Variants in CSMD1 observed in about 807,000 individuals in gnomAD.
CSMD1 encodes the protein CUB and sushi domain-containing protein 1.
Under a neutral mutation model 417.5 loss-of-function variants are expected in CSMD1, and 213 were observed. That is an observed-to-expected ratio of 0.51 (90% CI 0.46 to 0.57). The LOEUF (loss-of-function observed/expected upper bound fraction) is 0.57. Among genes scored for constraint, CSMD1 ranks in the 20% least tolerant of loss-of-function variants. The probability of loss-of-function intolerance (pLI) is 0.00; values close to 1 mark genes in which losing one functional copy is unlikely to be tolerated. For missense variants in CSMD1, 6,923 were observed against 4,529.7 expected (o/e 1.53, Z -15.17); for synonymous variants, 2,862 against 1,736.8 (o/e 1.65, Z -16.11).
At position 3,971,088 on chromosome 8, in the gene CSMD1, T is replaced by G. The variant is rs145358146; in HGVS notation, c.818+26815A>C. ...TAATACAAATGGGGGAGCCGATGTC[T>G]GATGACATAGAACCATGTGATCCAA... is the stretch of plus-strand genomic sequence containing the variant. On this transcript the variant is annotated intron_variant, in intron 5 of 69. Coordinates refer to ENST00000635120, the MANE Select transcript of CSMD1 (RefSeq NM_033225.6). 3.6e-3 allele frequency among the ~76,000 whole-genome samples: 555 copies of G among 152,290 alleles called. 5 individuals are homozygous for G. Among genetic ancestry groups the G allele is most frequent in the African/African-American group, 0.013 (532 of 41,554 alleles).
intron 5 of CSMD1, among the ~76,000 whole-genome samples, chr8:3,794,130 C>G (rs7018173): frequency 0.24 from 35,725 of 151,962 alleles, 4,840 homozygotes; most frequent in Non-Finnish European, 0.3. Context: ...CCTAATGAAC[C>G]GGTGTTTGTG....
chr8:3,037,632 C>T (rs1031661301), intron 50 of CSMD1, among the ~76,000 whole-genome samples: 1 of 152,008 alleles, frequency 6.6e-6, no homozygotes, highest in African/African-American at 2.4e-5. Context: ...GCTGCTGGAG[C>T]GGACGGTAAG....
At chr8:4,550,467 G>C (rs768630487) in intron 2 of CSMD1, among the ~76,000 whole-genome samples, 1 of 151,708 alleles carries the variant, frequency 6.6e-6, no homozygotes, top group African/African-American at 2.4e-5. Flanking sequence ...GCATTTTTAG[G>C]TCACTTTGAT....
intron 1 of CSMD1, among the ~76,000 whole-genome samples, chr8:4,942,272 T>A (rs1468734085): frequency 6.6e-6 from 1 of 152,182 alleles, no homozygotes; most frequent in Non-Finnish European, 1.5e-5. Context: ...CTCTTCCATC[T>A]TGATAAAACT....
chr8:3,504,705 A>G (rs1237918922), intron 10 of CSMD1, among the ~76,000 whole-genome samples: 1 of 152,104 alleles, frequency 6.6e-6, no homozygotes, highest in East Asian at 1.9e-4. Flanking sequence ...AAATTTTATC[A>G]CCTGCACCCT....
intron 1 of CSMD1, among the ~76,000 whole-genome samples, chr8:4,784,188 A>T (rs1324014826): frequency 6.6e-6 from 1 of 152,238 alleles, no homozygotes; most frequent in East Asian, 1.9e-4. Flanking sequence ...TTGTTCTTAC[A>T]AAATGAATAT....
chr8:3,812,565 C>A (rs74885270), intron 5 of CSMD1, among the ~76,000 whole-genome samples: 132 of 152,220 alleles, frequency 8.7e-4, no homozygotes, highest in African/African-American at 2.1e-3. Context: ...TCCTCGGAGA[C>A]CTTGCTTATG....
intron 3 of CSMD1, among the ~76,000 whole-genome samples, chr8:4,418,174 C>A (rs546462453): frequency 1.3e-5 from 2 of 151,920 alleles, no homozygotes; most frequent in Non-Finnish European, 2.9e-5. Context: ...TTGTCAACAT[C>A]AGACTATAAT....
chr8:3,449,883 A>C (rs12680806), intron 12 of CSMD1, among the ~76,000 whole-genome samples: 10,925 of 152,178 alleles, frequency 0.072, 943 homozygotes, highest in East Asian at 0.2. Flanking sequence ...AAAGTTTCTA[A>C]TTATTTCAGA....
At chr8:3,977,591 A>C (rs970865826) in intron 5 of CSMD1, among the ~76,000 whole-genome samples, 4 of 152,184 alleles carry the variant, frequency 2.6e-5, no homozygotes, top group Non-Finnish European at 5.9e-5. Context: ...CCCCATGTTA[A>C]ATTTTATTTT....
At chr8:3,900,468 T>A (rs946805936) in intron 5 of CSMD1, among the ~76,000 whole-genome samples, 3 of 151,416 alleles carry the variant, frequency 2.0e-5, no homozygotes, top group Admixed American at 2.0e-4. Context: ...TGCAGCTGGG[T>A]GACACTGTAC....
intron 10 of CSMD1, among the ~76,000 whole-genome samples, chr8:3,536,376 G>A (rs1010829018): frequency 2.0e-5 from 3 of 152,204 alleles, no homozygotes; most frequent in Non-Finnish European, 4.4e-5. Context: ...AGAATTCCAT[G>A]ACCATTGATT....
chr8:3,147,573 G>T (rs1818919104), intron 40 of CSMD1, among the ~76,000 whole-genome samples: 2 of 152,182 alleles, frequency 1.3e-5, no homozygotes, highest in African/African-American at 4.8e-5. Context: ...AAGCTACATT[G>T]TAACAGCACA....
chr8:4,561,595 T>A (rs1248037199), intron 2 of CSMD1, among the ~76,000 whole-genome samples: 1 of 151,830 alleles, frequency 6.6e-6, no homozygotes, highest in Non-Finnish European at 1.5e-5. Flanking sequence ...AGTGGGAGGA[T>A]CCCTTGAGCC....
chr8:3,910,036 C>T (rs1210764209), intron 5 of CSMD1, among the ~76,000 whole-genome samples: 1 of 152,036 alleles, frequency 6.6e-6, no homozygotes, highest in Admixed American at 6.6e-5. Flanking sequence ...CTTTATTTTT[C>T]TCTTAAAACA....
chr8:4,534,538 G>C (rs1291997595), intron 2 of CSMD1, among the ~76,000 whole-genome samples: 2 of 152,112 alleles, frequency 1.3e-5, no homozygotes, highest in Non-Finnish European at 2.9e-5. Context: ...TTGGATCCAG[G>C]TGGTAAGCAT....
intron 5 of CSMD1, among the ~76,000 whole-genome samples, chr8:3,856,256 A>G (rs1804302173): frequency 6.6e-6 from 1 of 151,870 alleles, no homozygotes; most frequent in South Asian, 2.1e-4. Flanking sequence ...TCTTCTTCCT[A>G]CTTGGCCCAT....
chr8:4,829,406 G>A (rs1800011461), intron 1 of CSMD1, among the ~76,000 whole-genome samples: 1 of 152,122 alleles, frequency 6.6e-6, no homozygotes, highest in African/African-American at 2.4e-5. Flanking sequence ...AGATGACTTA[G>A]TCATACCTTT....
intron 5 of CSMD1, among the ~76,000 whole-genome samples, chr8:3,817,934 G>C (rs1401368600): frequency 6.6e-6 from 1 of 152,100 alleles, no homozygotes; most frequent in Non-Finnish European, 1.5e-5. Context: ...CAAAAACCTG[G>C]TATTAGCTAA....
Sources: allele counts gnomAD v4.1 joint callset (sites outside exome capture counted in the v4.1 genomes callset), GRCh38; gene constraint gnomAD v4.1.1; transcripts MANE v1.5; gene names NCBI Gene and HGNC (gene_info 2026-07-23, HGNC 2026-07-21).